RASL11A: variants seen among roughly 807,000 people sequenced by gnomAD.
The protein encoded by RASL11A is RAS like family 11 member A.
In RASL11A, 14 loss-of-function variants were observed where a neutral mutation model predicts 17.1. The ratio of observed to expected loss-of-function variants is 0.82; its 90% CI spans 0.54 to 1.28. The LOEUF is 1.28. RASL11A is among the 50% of genes most tolerant of loss of function. The pLI is 0.00. For synonymous variants in RASL11A, 146 were observed against 132.5 expected, an observed-to-expected ratio of 1.10 and a Z score of -0.70; for missense variants, 283 against 312.3, an observed-to-expected ratio of 0.91 and a Z score of 0.71.
In RASL11A at chr13:27,273,690, C is replaced by CTTTTTTTTTTTT. The variant is rs11304490; in HGVS notation, c.*215_*226dup. 7.2e-5 allele frequency: 5 copies of CTTTTTTTTTTTT among 69,808 alleles called. No individual in the cohort carries two copies. Among genetic ancestry groups the CTTTTTTTTTTTT allele is most frequent in the Admixed American group, 1.8e-4 (1 of 5,512 alleles). The allele number at this position is 69,808 out of a possible 1,614,324, so 4.3% of individuals were successfully genotyped here. ...ATTTTGTTTTGTTTTATTAAAAGAA[C>CTTTTTTTTTTTT]TTTTTTTTTTTTTTTTTTTTTTTTT... On this transcript the variant is annotated 3_prime_UTR_variant, in exon 4 of 4. Transcript: ENST00000241463.
At position 27,270,956 on chromosome 13, in the gene RASL11A, C is replaced by T. The variant is rs1446825572; in HGVS notation, c.12C>T (p.Leu4=). Residue 4 remains leucine (L), a synonymous_variant, in exon 1 of 4, where the codon CTC becomes CTT. Coordinates refer to ENST00000241463, the MANE Select transcript of RASL11A (RefSeq NM_206827.2). ...CCGGGACGCGCTCCATGCGGCCGCT[C>T]AGCATGTCCGGGCACTTTCTGCTCG... MRP[L]SMSGHFLLAP... is the part of the protein sequence containing the mutation. The T allele has an allele frequency of 2.5e-6, 4 of 1,595,046 alleles. No homozygotes were observed. The Admixed American group carries it at 6.9e-5, about 27-fold the overall frequency.
intron 1 of RASL11A, 42 bp downstream of exon 1, chr13:27,271,110 T>C (rs1246873771): frequency 5.2e-6 from 8 of 1,535,922 alleles, no homozygotes; most frequent in Non-Finnish European, 6.1e-6. Flanking sequence ...GCTCCCCGGC[T>C]CCGGCCGCGA....
Position 27,273,017 on chromosome 13 carries a change from G to A in RASL11A, c.262-10G>A. On this transcript the variant is annotated splice_polypyrimidine_tract_variant and intron_variant, in intron 3 of 3. Transcript: ENST00000241463. ...TTCCTTGACTGGATCTCATTTTGAT[G>A]TTTTCTCAGATCCAAGACAGCCTCC... The A allele has an allele frequency of 6.2e-7, 1 of 1,608,312 alleles. No homozygotes were observed. Among genetic ancestry groups the A allele is most frequent in the Non-Finnish European group, 8.5e-7 (1 of 1,175,052 alleles).
chr13:27,271,663 A>G lies in RASL11A; in HGVS notation c.206A>G (p.Tyr69Cys), dbSNP rs756611320. 24 of 1,613,790 alleles carry G rather than the reference A, an allele frequency of 1.5e-5. No homozygotes were observed. The South Asian group carries it at 1.5e-4, about 10-fold the overall frequency. ...GGCAAGCTGTATTCACGGCTGGTCT[A>G]TGTCGAGGGGGACCAGCTCTCCCTG... ...NTGKLYSRLV[Y>C]VEGDQLSLQI... Residue 69 changes from tyrosine to cysteine, a missense_variant, in exon 3 of 4, where the codon TAT (tyrosine) becomes TGT (cysteine). Transcript: ENST00000241463.
chr13:27,273,761 C>T lies in RASL11A; in HGVS notation c.*267C>T. 3.2e-6 allele frequency: 1 copy of T among 311,746 alleles called. No homozygotes were observed. Among genetic ancestry groups the T allele is most frequent in the Non-Finnish European group, 5.4e-6 (1 of 185,528 alleles). 19.3% of individuals were successfully genotyped at this position (311,746 alleles called of 1,614,324 possible). ...CACTTTTCCATTAAAGGCAAAATGG[C>T]AACATTGCTCATTGTTTTCTCAATG... On this transcript the variant is annotated 3_prime_UTR_variant, in exon 4 of 4. Transcript: ENST00000241463.
Position 27,273,508 on chromosome 13 carries a change from G to C in RASL11A, c.*14G>C. The C allele has an allele frequency of 6.3e-7, 1 of 1,588,196 alleles. No individual in the cohort carries two copies. The highest frequency in any genetic ancestry group is 8.6e-7 in the Non-Finnish European group (1 of 1,160,284). On this transcript the variant is annotated 3_prime_UTR_variant, in exon 4 of 4. Transcript: ENST00000241463. ...GCACTGGGGTGAACTATCTCAGACA[G>C]ATGCCTCTCCTTTTTAATACGCATT... is the stretch of plus-strand genomic sequence containing the variant.
intron 2 of RASL11A, 24 bp downstream of exon 2, chr13:27,271,564 G>T (rs758080977): frequency 1.9e-6 from 3 of 1,613,782 alleles, no homozygotes; most frequent in Non-Finnish European, 2.5e-6. Flanking sequence ...CACGCTCCCT[G>T]CTTTTATGCT....
At chr13:27,271,457 C>T (rs372932961) in intron 1 of RASL11A, 27 bp from the exon 2 acceptor site, 1 of 1,613,792 alleles carries the variant, frequency 6.2e-7, no homozygotes, top group East Asian at 2.2e-5. Context: ...TCTACTCCTT[C>T]GGTTGATTTT....
At chr13:27,271,201 C>A in intron 1 of RASL11A, 133 bp downstream of exon 1, 1 of 1,458,062 alleles carries the variant, frequency 6.9e-7, no homozygotes, top group Non-Finnish European at 9.0e-7. Flanking sequence ...TGCTTTCGCG[C>A]TGGGTGGGTC....
In RASL11A at chr13:27,271,473, T is replaced by C. The variant is rs747477702; in HGVS notation, c.125-11T>C. The C allele has an allele frequency of 6.2e-7, 1 of 1,614,182 alleles. No homozygotes were observed. Among genetic ancestry groups the C allele is most frequent in the Admixed American group, 1.7e-5 (1 of 60,028 alleles). On this transcript the variant is annotated splice_polypyrimidine_tract_variant and intron_variant, in intron 1 of 3. Transcript: ENST00000241463. The stretch of plus-strand genomic sequence containing the variant: ...CTACTCCTTCGGTTGATTTTCCTAT[T>C]TCCTTTTCAGCAATGATCGTGCGCT...
At position 27,273,698 on chromosome 13, in the gene RASL11A, T is replaced by A; in HGVS notation, c.*204T>A. On this transcript the variant is annotated 3_prime_UTR_variant, in exon 4 of 4. Coordinates refer to ENST00000241463, the MANE Select transcript of RASL11A (RefSeq NM_206827.2). ...TTGTTTTATTAAAAGAACTTTTTTTTTTTTTTTTTTTTTTTTTTTTTTACT... is the reference window on the plus strand; with the variant it reads ...TTGTTTTATTAAAAGAACTTTTTTTATTTTTTTTTTTTTTTTTTTTTTACT... 1 of 392,128 alleles carries A rather than the reference T, an allele frequency of 2.6e-6. No homozygotes were observed. Among genetic ancestry groups the A allele is most frequent in the Non-Finnish European group, 4.4e-6 (1 of 226,066 alleles). 24.3% of individuals were successfully genotyped at this position (392,128 alleles called of 1,614,324 possible).
In RASL11A at chr13:27,273,413, C is replaced by G. The variant is rs148298639; in HGVS notation, c.648C>G (p.Arg216=). The G allele has an allele frequency of 0.01, 16,586 of 1,614,194 alleles. 173 individuals carry two copies. The highest frequency in any genetic ancestry group is 0.037 in the South Asian group (3,339 of 91,084). The change falls in exon 4 of 4, where the codon CGC becomes CGG. Residue 216 remains arginine (R), a synonymous_variant. Transcript: ENST00000241463. ...GAGCCTCCATCATCCCTCGGCCCCG[C>G]TCTCCCAACATGCAGGACCTGAAGA... ...RRRASIIPRP[R]SPNMQDLKRR...
intron 1 of RASL11A, 101 bp from the exon 2 acceptor site, chr13:27,271,383 C>A: frequency 6.4e-7 from 1 of 1,559,308 alleles, no homozygotes; most frequent in Admixed American, 1.7e-5. Flanking sequence ...GCGAGCAGTG[C>A]CCACGGTTCT....
rs1427765870 is a variant in RASL11A, at chr13:27,274,846, CAT to C, written c.*1356_*1357del. Among the ~76,000 whole-genome samples, 2 of 152,074 alleles carry C rather than the reference CAT, an allele frequency of 1.3e-5. No homozygotes were observed. The highest frequency in any genetic ancestry group is 4.8e-5 in the African/African-American group (2 of 41,348). On this transcript the variant is annotated 3_prime_UTR_variant, in exon 4 of 4. Transcript: ENST00000241463. ...CATAGAGTGGTAAGTTTTAAGTAAA[CAT>C]ATAATGAATAAATGAATGAATGCAC...
At position 27,273,524 on chromosome 13, in the gene RASL11A, A is replaced by G. The variant is rs1882371679; in HGVS notation, c.*30A>G. The G allele has an allele frequency of 1.9e-6, 3 of 1,539,248 alleles. No individual in the cohort carries two copies. Among genetic ancestry groups the G allele is most frequent in the South Asian group, 2.3e-5 (2 of 88,616 alleles). On this transcript the variant is annotated 3_prime_UTR_variant, in exon 4 of 4. Transcript: ENST00000241463. Reference sequence around the variant, plus strand: ...TCTCAGACAGATGCCTCTCCTTTTTAATACGCATTTGTGCAGCTAAAAGAC... The same window carrying G: ...TCTCAGACAGATGCCTCTCCTTTTTGATACGCATTTGTGCAGCTAAAAGAC...
chr13:27,271,239 C>A, intron 1 of RASL11A, 171 bp downstream of exon 1: 2 of 1,446,540 alleles, frequency 1.4e-6, no homozygotes, highest in South Asian at 1.5e-5. Context: ...GCTTCCCTGG[C>A]GTTTCCTGGT....
At position 27,271,736 on chromosome 13, in the gene RASL11A, C is replaced by T. The variant is rs987105367; in HGVS notation, c.261+18C>T. 2.5e-6 allele frequency: 4 copies of T among 1,595,192 alleles called. No individual in the cohort carries two copies. The highest frequency in any genetic ancestry group is 3.4e-6 in the Non-Finnish European group (4 of 1,169,818). On this transcript the variant is annotated intron_variant, in intron 3 of 3. Transcript: ENST00000241463. ...GCGTCCAGGTAAGAACCGCCAGGGGCAAACAGCTCACCCCCACCCGTGAGA... is the reference window on the plus strand; with the variant it reads ...GCGTCCAGGTAAGAACCGCCAGGGGTAAACAGCTCACCCCCACCCGTGAGA...
At chr13:27,272,337 T>C (rs1882319679) in intron 3 of RASL11A, among the ~76,000 whole-genome samples, 1 of 152,206 alleles carries the variant, frequency 6.6e-6, no homozygotes, top group Non-Finnish European at 1.5e-5. Flanking sequence ...TTCACTATGT[T>C]GGCCAGGCTG....
At position 27,271,046 on chromosome 13, in the gene RASL11A, C is replaced by A. The variant is rs550898538; in HGVS notation, c.102C>A (p.Gly34=). Residue 34 remains glycine, a synonymous_variant, in exon 1 of 4, where the codon GGC becomes GGA. Transcript: ENST00000241463. ...AGGACATCAAACTGGCGGTGCTGGG[C>A]GCCGGCCGCGTGGGCAAGAGCGGTG... ...LPKDIKLAVL[G]AGRVGKSAMI... is the part of the protein sequence containing the mutation. The A allele has an allele frequency of 1.3e-6, 2 of 1,579,124 alleles. No homozygotes were observed. Among genetic ancestry groups the A allele is most frequent in the East Asian group, 2.3e-5 (1 of 42,890 alleles).
Sources: allele counts gnomAD v4.1 joint callset (sites outside exome capture counted in the v4.1 genomes callset), GRCh38; gene constraint gnomAD v4.1.1; transcripts MANE v1.5; gene names NCBI Gene and HGNC (gene_info 2026-07-23, HGNC 2026-07-21).